Variants in HEATR5A observed in about 807,000 individuals in gnomAD.
The protein encoded by HEATR5A is HEAT repeat-containing protein 5A.
HEATR5A carries 178 observed loss-of-function variants against 218.8 expected under a neutral mutation model. The ratio of observed to expected loss-of-function variants is 0.81; its 90% confidence interval spans 0.72 to 0.92. HEATR5A has a LOEUF of 0.92. Ranked by LOEUF, HEATR5A falls within the 40% of genes least tolerant of loss-of-function variation. The pLI is 0.00. For synonymous variants in HEATR5A, 864 were observed against 871.6 expected, an observed-to-expected ratio of 0.99 and a Z score of 0.15; for missense variants, 2,420 against 2,418.9, an observed-to-expected ratio of 1.00 and a Z score of -0.01.
chr14:31,345,046 T>C (rs750881533), intron 20 of HEATR5A, 41 bp downstream of exon 20: 2 of 1,528,772 alleles, frequency 1.3e-6, no homozygotes, highest in Admixed American at 2.0e-5. Flanking sequence ...TTTATGTGTA[T>C]TATTTTTAAT....
At chr14:31,404,765 T>C (rs1376569299) in intron 1 of HEATR5A, among the ~76,000 whole-genome samples, 2 of 151,782 alleles carry the variant, frequency 1.3e-5, no homozygotes, top group Admixed American at 1.3e-4. Flanking sequence ...AATTTAAAAA[T>C]TAGCCAGGCA....
In HEATR5A at chr14:31,402,816, TAAAC is replaced by T. The variant is rs528561855; in HGVS notation, c.126+30_126+33del. The T allele has an allele frequency of 3.7e-5, 56 of 1,533,874 alleles. No individual in the cohort carries two copies. The African/African-American group carries it at 4.4e-4, about 12-fold the overall frequency. On this transcript the variant is annotated intron_variant, in intron 2 of 35. Coordinates refer to ENST00000543095, the MANE Select transcript of HEATR5A (RefSeq NM_015473.4). ...ACCAAAGGAAGTAAACATGGGCACT[TAAAC>T]AAAAAAACAGATGTTGTCATTTTAC...
intron 1 of HEATR5A, among the ~76,000 whole-genome samples, chr14:31,419,550 G>A (rs2031569982): frequency 6.6e-6 from 1 of 152,036 alleles, no homozygotes. Context: ...TATCTTTCAG[G>A]CTGTAAATTC....
intron 28 of HEATR5A, among the ~76,000 whole-genome samples, chr14:31,311,069 CCAACCAAAT>C: frequency 9.6e-6 from 1 of 104,472 alleles, no homozygotes; most frequent in East Asian, 2.6e-4. Context: ...AACCAACCAA[CCAACCAAAT>C]ACACACACAC....
intron 1 of HEATR5A, among the ~76,000 whole-genome samples, chr14:31,407,607 TATATATATATATATATA>T (rs2031125785): frequency 1.8e-3 from 2 of 1,094 alleles, no homozygotes; most frequent in African/African-American, 3.4e-3. Flanking sequence ...TATATATATA[TATATATATATATATATA>T]TATATATATA....
In HEATR5A at chr14:31,389,057, G is replaced by T. The variant is rs2030346056; in HGVS notation, c.773-52C>A. 3.4e-6 allele frequency: 5 copies of T among 1,450,050 alleles called. No homozygotes were observed. In the Admixed American group the frequency reaches 8.8e-5, roughly 25 times the overall value. The allele number at this position is 1,450,050 out of a possible 1,614,324, so 89.8% of individuals were successfully genotyped here. On this transcript the variant is annotated intron_variant, in intron 6 of 35. Coordinates refer to ENST00000543095, the MANE Select transcript of HEATR5A (RefSeq NM_015473.4). ...CATATTTTACAGACTAAATTTTAAT[G>T]TAAGTTCTTGATTTGCAAAAAGCAT...
chr14:31,385,793 T>C (rs1233041678), intron 9 of HEATR5A, among the ~76,000 whole-genome samples: 1 of 152,210 alleles, frequency 6.6e-6, no homozygotes, highest in African/African-American at 2.4e-5. Flanking sequence ...AGTGGCGTTA[T>C]CTTGGCTCAC....
chr14:31,400,560 C>T, intron 2 of HEATR5A, 48 bp from the exon 3 acceptor site: 1 of 1,168,174 alleles, frequency 8.6e-7, no homozygotes. Context: ...ATATAATTAT[C>T]TGTAATCCCC....
At position 31,343,993 on chromosome 14, in the gene HEATR5A, T is replaced by C. The variant is rs1341247366; in HGVS notation, c.3131A>G (p.Asp1044Gly). The C allele has an allele frequency of 6.2e-7, 1 of 1,611,330 alleles. No individual in the cohort carries two copies. The highest frequency in any genetic ancestry group is 8.5e-7 in the Non-Finnish European group (1 of 1,178,658). The change falls in exon 21 of 36, where the codon GAC (aspartate) becomes GGC (glycine). Residue 1044 changes from aspartate to glycine, a missense_variant. Asp to Gly is a moderately conservative substitution (Grantham distance 94, BLOSUM62 -1). Coordinates refer to ENST00000543095, the MANE Select transcript of HEATR5A (RefSeq NM_015473.4). ...LGCAVMQDNPDCLVQAQAISC... is the reference protein window; with the variant it reads ...LGCAVMQDNPGCLVQAQAISC... The stretch of plus-strand genomic sequence containing the variant: ...GATGGCCTGAGCTTGAACAAGGCAG[T>C]CTGGGTTATCTTGCATTACTGCACA...
At chr14:31,362,976 C>T (rs1901674965) in intron 14 of HEATR5A, among the ~76,000 whole-genome samples, 1 of 151,828 alleles carries the variant, frequency 6.6e-6, no homozygotes, top group Non-Finnish European at 1.5e-5. Context: ...GGAGTTCACA[C>T]CTGTAATCCC....
chr14:31,419,666 TTTA>T (rs2031575459), intron 1 of HEATR5A, among the ~76,000 whole-genome samples: 2 of 152,232 alleles, frequency 1.3e-5, no homozygotes, highest in Non-Finnish European at 2.9e-5. Flanking sequence ...CTCAAGCCAT[TTTA>T]TTATTATCTG....
At chr14:31,399,682 T>C (rs576498901) in intron 3 of HEATR5A, among the ~76,000 whole-genome samples, 4 of 152,028 alleles carry the variant, frequency 2.6e-5, no homozygotes, top group African/African-American at 7.2e-5. Context: ...ATACAAAAAT[T>C]AGCTCGAAGT....
chr14:31,358,728 C>T lies in HEATR5A; in HGVS notation c.2320G>A (p.Val774Met). 1 of 1,613,900 alleles carries T rather than the reference C, an allele frequency of 6.2e-7. No individual in the cohort carries two copies. Among genetic ancestry groups the T allele is most frequent in the South Asian group, 1.1e-5 (1 of 91,080 alleles). The change falls in exon 16 of 36, where the codon GTG (valine) becomes ATG (methionine). Residue 774 changes from valine (V) to methionine (M), a missense_variant. By Grantham distance (21) the Val-to-Met change is conservative. Coordinates refer to ENST00000543095, the MANE Select transcript of HEATR5A (RefSeq NM_015473.4). ...IYEKDVEGDS[V>M]PKPLPPALSV... The stretch of plus-strand genomic sequence containing the variant: ...AGTGCTGGAGGTAAGGGCTTAGGCA[C>T]TGAATCTCCCTCTACATCTTTCTCA...
At chr14:31,333,310 G>A (rs552985461) in intron 22 of HEATR5A, among the ~76,000 whole-genome samples, 27 of 152,010 alleles carry the variant, frequency 1.8e-4, no homozygotes, top group African/African-American at 5.8e-4. Flanking sequence ...GTACAGTGGC[G>A]TGATCTTGGC....
intron 2 of HEATR5A, 34 bp downstream of exon 2, chr14:31,402,816 T>C: frequency 6.5e-7 from 1 of 1,533,874 alleles, no homozygotes; most frequent in Non-Finnish European, 8.7e-7. Flanking sequence ...CATGGGCACT[T>C]AAACAAAAAA....
intron 6 of HEATR5A, among the ~76,000 whole-genome samples, chr14:31,393,683 C>T (rs907924413): frequency 2.0e-5 from 3 of 151,170 alleles, no homozygotes; most frequent in African/African-American, 4.9e-5. Flanking sequence ...GATGAAGTTT[C>T]GCTTTGTTGT....
At chr14:31,418,217 CA>C (rs2031520564) in intron 1 of HEATR5A, among the ~76,000 whole-genome samples, 4 of 152,060 alleles carry the variant, frequency 2.6e-5, no homozygotes, top group Non-Finnish European at 5.9e-5. Context: ...TCGATAAAAA[CA>C]AAAACAAACA....
Position 31,313,177 on chromosome 14 carries a change from G to T in HEATR5A, c.4232C>A (p.Ala1411Asp). 1 of 1,611,384 alleles carries T rather than the reference G, an allele frequency of 6.2e-7. No homozygotes were observed. Among genetic ancestry groups the T allele is most frequent in the Non-Finnish European group, 8.5e-7 (1 of 1,177,592 alleles). The change falls in exon 28 of 36, where the codon GCT becomes GAT. Residue 1411 changes from alanine (A) to aspartate (D), a missense_variant. By Grantham distance (126) the Ala-to-Asp change is moderately radical. Transcript: ENST00000543095. ...TCTGTGGTTTTTATGTCTTTGCACA[G>T]CAATTATGTAGACCTGTTAAAGGTT... ...LKAWAEVYII[A>D]VQRHKNHRQP... is the part of the protein sequence containing the mutation.
rs1356235189 is a variant in HEATR5A, at chr14:31,335,219, G to T, written c.3367+2257C>A. ...ACAAACATAACTCTGATATGCACTG[G>T]AAAACAAAAAAATTCCTGACTTGCT... is the stretch of plus-strand genomic sequence containing the variant. On this transcript the variant is annotated intron_variant, in intron 22 of 35. Coordinates refer to ENST00000543095, the MANE Select transcript of HEATR5A (RefSeq NM_015473.4). 3.3e-5 allele frequency among the ~76,000 whole-genome samples: 5 copies of T among 152,020 alleles called. No homozygotes were observed. In the East Asian group the frequency reaches 9.7e-4, roughly 29 times the overall value.
Sources: gnomAD v4.1 joint callset for allele counts (sites outside exome capture counted in the v4.1 genomes callset) on GRCh38, gnomAD v4.1.1 for gene constraint, MANE v1.5 for transcripts, NCBI Gene and HGNC (gene_info 2026-07-23, HGNC 2026-07-21) for gene names.